Variants in HLA-DQB2 observed in about 807,000 individuals in gnomAD.
HLA-DQB2 encodes major histocompatibility complex, class II, DQ beta 2, also known as HLA class II histocompatibility antigen, DQ beta 2 chain.
In HLA-DQB2, 24 loss-of-function variants were observed where a neutral mutation model predicts 29.2. The observed-to-expected ratio is 0.82, with a 90% CI of 0.60 to 1.16. The LOEUF is 1.16. Ranked by LOEUF, HLA-DQB2 falls within the 50% of genes most tolerant of loss-of-function variation. HLA-DQB2 has a pLI of 0.00. For synonymous variants in HLA-DQB2, 104 were observed against 133.1 expected, an observed-to-expected ratio of 0.78 and a Z score of 1.51; for missense variants, 273 against 343.6, an observed-to-expected ratio of 0.79 and a Z score of 1.62.
rs1764526684 is a variant in HLA-DQB2 at position 32,758,992 on chromosome 6, AC to A, written c.503del (p.Gly168ValfsTer19). On this transcript the variant is annotated frameshift_variant, in exon 3 of 6. Transcript: ENST00000437316. LOFTEE classifies it high-confidence loss of function. Reference sequence around the variant, plus strand: ...TCCTAATGAGGGAGGTGGACACAACACCGGCTGTCTCCTCCTGGTCATTCCG... The same window carrying A: ...TCCTAATGAGGGAGGTGGACACAACACGGCTGTCTCCTCCTGGTCATTCCG... Reference protein sequence around the residue: ...WFRNDQEETAGVVSTSLIRNG... With the variant: ...WFRNDQEETAXVVSTSLIRNG... 5 of 787,934 alleles carry A rather than the reference AC, an allele frequency of 6.3e-6. No individual in the cohort carries two copies. In the African/African-American group the frequency reaches 9.3e-5, roughly 15 times the overall value. The allele number at this position is 787,934 out of a possible 1,614,324, so 48.8% of individuals were successfully genotyped here. A position where few individuals can be genotyped will look rare whatever the true frequency, so the allele number is the denominator to read the frequency against.
chr6:32,759,638 T>C (rs539436571), intron 2 of HLA-DQB2, among the ~76,000 whole-genome samples: 22 of 152,256 alleles, frequency 1.4e-4, no homozygotes, highest in Non-Finnish European at 3.1e-4. Context: ...CTTGGTAATA[T>C]GTTCTCTCAT....
chr6:32,761,788 G>A lies in HLA-DQB2; in HGVS notation c.236C>T (p.Thr79Ile). Reference protein sequence around the residue: ...DSDVGEFQAVTELGRSIEDWN... With the variant: ...DSDVGEFQAVIELGRSIEDWN... ...GTCCTCGATGCTCCGCCCCAGCTCG[G>A]TCACCGCCTGGAACTCCCCAACGTC... Residue 79 changes from threonine (T) to isoleucine (I), a missense_variant, in exon 2 of 6, where the codon ACC becomes ATC. Thr to Ile is a moderately conservative substitution (Grantham distance 89). Coordinates refer to ENST00000437316, the MANE Select transcript of HLA-DQB2 (RefSeq NM_001300790.2). The A allele has an allele frequency of 6.3e-7, 1 of 1,590,106 alleles. No homozygotes were observed. Among genetic ancestry groups the A allele is most frequent in the Non-Finnish European group, 8.6e-7 (1 of 1,168,426 alleles).
At position 32,758,961 on chromosome 6, in the gene HLA-DQB2, C is replaced by T. The variant is rs777781697; in HGVS notation, c.535G>A (p.Asp179Asn). 1 of 1,614,250 alleles carries T rather than the reference C, an allele frequency of 6.2e-7. No homozygotes were observed. Among genetic ancestry groups the T allele is most frequent in the South Asian group, 1.1e-5 (1 of 91,086 alleles). ...VVSTSLIRNG[D>N]WTFQILVMLE... ...ATCACCAGAATCTGGAAGGTCCAGTCACCATTCCTAATGAGGGAGGTGGAC... is the reference window on the plus strand; with the variant it reads ...ATCACCAGAATCTGGAAGGTCCAGTTACCATTCCTAATGAGGGAGGTGGAC... Residue 179 changes from aspartate (D) to asparagine (N), a missense_variant, in exon 3 of 6, where the codon GAC becomes AAC. Transcript: ENST00000437316.
At chr6:32,757,913 G>T in intron 3 of HLA-DQB2, 30 bp from the exon 4 acceptor site, 1 of 1,581,894 alleles carries the variant, frequency 6.3e-7, no homozygotes, top group Non-Finnish European at 8.6e-7. Flanking sequence ...GTGAGTGTTT[G>T]TCCCCACACC....
chr6:32,761,040 G>T lies in HLA-DQB2; in HGVS notation c.364+620C>A, dbSNP rs1764743498. The stretch of plus-strand genomic sequence containing the variant: ...ACGAGTCAGGTACTAGGCATGCAAT[G>T]ATTAAAACACTCTCACCTCAAAGAG... On this transcript the variant is annotated intron_variant, in intron 2 of 5. Transcript: ENST00000437316. Among the ~76,000 whole-genome samples, 3 of 152,158 alleles carry T rather than the reference G, an allele frequency of 2.0e-5. No individual in the cohort carries two copies. In the South Asian group the frequency reaches 6.2e-4, roughly 32 times the overall value.
intron 2 of HLA-DQB2, among the ~76,000 whole-genome samples, chr6:32,759,884 C>A (rs909605261): frequency 6.6e-6 from 1 of 152,102 alleles, no homozygotes; most frequent in Non-Finnish European, 1.5e-5. Flanking sequence ...GCAGGTAGCA[C>A]CCCAATTAAA....
chr6:32,761,558 T>A (rs2395261), intron 2 of HLA-DQB2, 102 bp downstream of exon 2: 1 of 1,317,858 alleles, frequency 7.6e-7, no homozygotes, highest in African/African-American at 1.5e-5. Context: ...CTGGGATGGA[T>A]CAGGGCTCGG....
intron 1 of HLA-DQB2, 89 bp downstream of exon 1, chr6:32,763,285 A>G: frequency 1.4e-6 from 1 of 711,302 alleles, no homozygotes; most frequent in Non-Finnish European, 2.5e-6. Context: ...GTGTTCTGAG[A>G]TCATGGAGAT....
At chr6:32,760,557 A>C (rs1205251459) in intron 2 of HLA-DQB2, among the ~76,000 whole-genome samples, 1 of 152,240 alleles carries the variant, frequency 6.6e-6, no homozygotes, top group Non-Finnish European at 1.5e-5. Flanking sequence ...TCTAGAAATA[A>C]GTGCTCACTA....
At chr6:32,760,243 A>G (rs1394366922) in intron 2 of HLA-DQB2, among the ~76,000 whole-genome samples, 1 of 151,924 alleles carries the variant, frequency 6.6e-6, no homozygotes, top group Non-Finnish European at 1.5e-5. Flanking sequence ...ATGCCTTGAA[A>G]GTATCATTTT....
In HLA-DQB2 at chr6:32,757,901, G is replaced by A. The variant is rs776753092; in HGVS notation, c.647-18C>T. ...CTGAGCCCCTAAGGAGCAGAACTGA[G>A]TGTGAGTGTTTGTCCCCACACCCCA... On this transcript the variant is annotated intron_variant, in intron 3 of 5. Coordinates refer to ENST00000437316, the MANE Select transcript of HLA-DQB2 (RefSeq NM_001300790.2). The A allele has an allele frequency of 1.3e-6, 2 of 1,534,946 alleles. No homozygotes were observed. The highest frequency in any genetic ancestry group is 1.2e-5 in the South Asian group (1 of 85,434).
rs7774954 is a variant in HLA-DQB2, at chr6:32,756,412, C to A, written c.*41G>T. On this transcript the variant is annotated 3_prime_UTR_variant, in exon 6 of 6. Coordinates refer to ENST00000437316, the MANE Select transcript of HLA-DQB2 (RefSeq NM_001300790.2). ...TCTGGGCAGGGGCAGGTGGGCATTA[C>A]AGAAGAGTGATGACCAATCCCAGAC... The A allele has an allele frequency of 0.071, 87,389 of 1,238,654 alleles. 4,754 individuals carry two copies. Among genetic ancestry groups the A allele is most frequent in the African/African-American group, 0.25 (16,437 of 66,810 alleles). The allele number at this position is 1,238,654 out of a possible 1,614,324, so 76.7% of individuals were successfully genotyped here. A position where few individuals can be genotyped will look rare whatever the true frequency, so the allele number is the denominator to read the frequency against.
At chr6:32,757,231 C>T (rs1209323188) in intron 5 of HLA-DQB2, 50 bp downstream of exon 5, 1 of 1,550,132 alleles carries the variant, frequency 6.5e-7, no homozygotes, top group Non-Finnish European at 8.7e-7. Context: ...TGGCTCTTCC[C>T]TCTTATGCCT....
chr6:32,758,128 C>T (rs1764447026), intron 3 of HLA-DQB2, among the ~76,000 whole-genome samples: 1 of 152,170 alleles, frequency 6.6e-6, no homozygotes, highest in Non-Finnish European at 1.5e-5. Context: ...AAGTCAGTCT[C>T]TCATAGCTGT....
rs762911265 is a variant in HLA-DQB2 at position 32,757,301 on chromosome 6, G to C, written c.761C>G (p.Pro254Arg). 1 of 1,549,320 alleles carries C rather than the reference G, an allele frequency of 6.5e-7. No homozygotes were observed. Among genetic ancestry groups the C allele is most frequent in the South Asian group, 1.2e-5 (1 of 84,026 alleles). Residue 254 changes from proline to arginine, a missense_variant, in exon 5 of 6, where the codon CCT becomes CGT. Physicochemically the swap from Pro to Arg is moderately radical, Grantham distance 103. Coordinates refer to ENST00000437316, the MANE Select transcript of HLA-DQB2 (RefSeq NM_001300790.2). The stretch of plus-strand genomic sequence containing the variant: ...ATTACCTGCTGGTGGAGGCCCTCGA[G>C]GTCCTACAAAAGGAAGTTATACAGA... ...LIIRHRGQKGPRGPPPAGLLH is the reference protein window; with the variant it reads ...LIIRHRGQKGRRGPPPAGLLH
chr6:32,758,881 G>A lies in HLA-DQB2; in HGVS notation c.615C>T (p.Pro205=). 1.2e-6 allele frequency: 2 copies of A among 1,613,986 alleles called. No individual in the cohort carries two copies. The highest frequency in any genetic ancestry group is 1.3e-5 in the African/African-American group (1 of 75,058). Residue 205 remains proline (P), a synonymous_variant, in exon 3 of 6, where the codon CCC becomes CCT. Coordinates refer to ENST00000437316, the MANE Select transcript of HLA-DQB2 (RefSeq NM_001300790.2). ...CCACGGTGATGGGGCTCTGGAGGCT[G>A]GGGTGCTCCACTTGGCAGGTGTAGA... ...GDIYTCQVEH[P]SLQSPITVEW... is the part of the protein sequence containing the mutation.
At position 32,761,870 on chromosome 6, in the gene HLA-DQB2, C is replaced by G. The variant is rs778517822; in HGVS notation, c.154G>C (p.Val52Leu). The G allele has an allele frequency of 8.1e-6, 13 of 1,612,138 alleles. No individual in the cohort carries two copies. The Admixed American group carries it at 2.2e-4, about 27-fold the overall frequency. The change falls in exon 2 of 6, where the codon GTG becomes CTG. Residue 52 changes from valine to leucine, a missense_variant. Transcript: ENST00000437316. ...TAGATGTATCTGGCCACACCGCGCA[C>G]GCGCTCTGTCCCGTTGGTGAAGTAG... is the stretch of plus-strand genomic sequence containing the variant. ...MCYFTNGTER[V>L]RGVARYIYNR...
intron 5 of HLA-DQB2, 22 bp from the exon 6 acceptor site, chr6:32,756,488 T>G (rs757674632): frequency 6.4e-7 from 1 of 1,569,292 alleles, no homozygotes; most frequent in Admixed American, 1.9e-5. Flanking sequence ...AGACGAGGCA[T>G]GATCAGCACA....
chr6:32,762,466 C>T (rs533895563), intron 1 of HLA-DQB2, among the ~76,000 whole-genome samples: 4 of 152,330 alleles, frequency 2.6e-5, no homozygotes, highest in Non-Finnish European at 5.9e-5. Flanking sequence ...CTGCTATACC[C>T]GCCCAAGTGC....
Sources: gnomAD v4.1 joint callset for allele counts (sites outside exome capture counted in the v4.1 genomes callset) on GRCh38, gnomAD v4.1.1 for gene constraint, MANE v1.5 for transcripts, NCBI Gene and HGNC (gene_info 2026-07-23, HGNC 2026-07-21) for gene names.